ETV1: variants seen among roughly 807,000 people sequenced by gnomAD.
ETV1 encodes the protein ETS variant transcription factor 1.
ETV1 carries 27 observed loss-of-function variants against 62.3 expected under a neutral mutation model. That is an observed-to-expected ratio of 0.43 (90% CI 0.32 to 0.60). ETV1 has a LOEUF of 0.60. Ranked by LOEUF, ETV1 falls within the 20% of genes least tolerant of loss-of-function variation. The pLI, the probability that ETV1 is intolerant of heterozygous loss-of-function variation, is 0.06. For missense variants in ETV1, 605 were observed against 605.8 expected, an observed-to-expected ratio of 1.00 and a Z score of 0.01; for synonymous variants, 222 against 199.6, an observed-to-expected ratio of 1.11 and a Z score of -0.94.
At chr7:13,913,407 G>A (rs1023087484) in intron 9 of ETV1, among the ~76,000 whole-genome samples, 1 of 152,124 alleles carries the variant, frequency 6.6e-6, no homozygotes, top group South Asian at 2.1e-4. Flanking sequence ...ATGGGAGTAT[G>A]ACATTTTGTT....
intron 6 of ETV1, among the ~76,000 whole-genome samples, chr7:13,973,069 A>G (rs1781065303): frequency 6.6e-6 from 1 of 152,222 alleles, no homozygotes; most frequent in South Asian, 2.1e-4. Flanking sequence ...AAAGTTCTCA[A>G]GTGTTGTGAT....
chr7:13,920,470 T>TGTGTGTGTG, intron 9 of ETV1, among the ~76,000 whole-genome samples: 1 of 123,162 alleles, frequency 8.1e-6, no homozygotes, highest in Non-Finnish European at 1.8e-5. Context: ...GTGTGTGTGT[T>TGTGTGTGTG]TCCTTTCAGT....
chr7:13,986,107 G>T (rs1444403966), intron 5 of ETV1: 11 of 1,567,722 alleles, frequency 7.0e-6, no homozygotes, highest in African/African-American at 1.4e-5. Context: ...CTAAGCATTA[G>T]ATACACACCT....
At chr7:13,897,161 G>C (rs1781933873) in intron 13 of ETV1, among the ~76,000 whole-genome samples, 1 of 151,928 alleles carries the variant, frequency 6.6e-6, no homozygotes, top group Non-Finnish European at 1.5e-5. Context: ...TGGGGGGATG[G>C]GTGGATGAAT....
rs16878039 is a variant in ETV1, at chr7:13,988,431, A to G, written c.46-258T>C. ...GCACATTACTATTTATCAATCATAT[A>G]TTCATGGTATCTCAGCATCAAAACA... On this transcript the variant is annotated intron_variant, in intron 3 of 13. Transcript: ENST00000430479. The G allele has an allele frequency of 1.9e-3, 1,119 of 582,574 alleles. 11 individuals are homozygous for G. The highest frequency in any genetic ancestry group is 0.019 in the African/African-American group (1,001 of 53,228). 36.1% of individuals were successfully genotyped at this position (582,574 alleles called of 1,614,324 possible).
At position 13,989,009 on chromosome 7, in the gene ETV1, T is replaced by C; in HGVS notation, c.44A>G (p.Asn15Ser). The stretch of plus-strand genomic sequence containing the variant: ...GCAACTTTCAAACTGATCACTCACA[T>C]TGGTGACCATGTAAGGCACTTGCTG... ...YDQQVPYMVT[N>S]SQRGRNCNEK... Residue 15 changes from asparagine to serine, a missense_variant and splice_region_variant, in exon 3 of 14, where the codon AAT (asparagine) becomes AGT (serine). Asn to Ser is a conservative substitution (Grantham distance 46). Around this residue, in one of 3 missense-constraint regions of ETV1, gnomAD observed 426 missense variants for 377.8 expected, o/e 1.13. Transcript: ENST00000430479. 2 of 1,582,258 alleles carry C rather than the reference T, an allele frequency of 1.3e-6. No individual in the cohort carries two copies. The highest frequency in any genetic ancestry group is 1.7e-6 in the Non-Finnish European group (2 of 1,161,414).
At chr7:13,983,594 AC>A (rs1474590376) in intron 5 of ETV1, among the ~76,000 whole-genome samples, 1 of 148,334 alleles carries the variant, frequency 6.7e-6, no homozygotes, top group Non-Finnish European at 1.5e-5. Context: ...GACTATGGCA[AC>A]ATTTTAAAAT....
In ETV1 at chr7:13,919,890, C is replaced by CAGAG. The variant is rs34895274; in HGVS notation, c.803-8587_803-8584dup. On this transcript the variant is annotated intron_variant, in intron 9 of 13. Transcript: ENST00000430479. ...ACAAAAACACACAAAGACACACACA[C>CAGAG]AGAGAGAGAGAGAGAGAGAGAAGAG... Among the ~76,000 whole-genome samples the CAGAG allele has an allele frequency of 8.0e-4, 119 of 149,340 alleles. 1 individual carries two copies. Among genetic ancestry groups the CAGAG allele is most frequent in the African/African-American group, 2.6e-3 (108 of 40,890 alleles).
chr7:13,987,830 C>A (rs760569124), intron 4 of ETV1, among the ~76,000 whole-genome samples: 51 of 152,276 alleles, frequency 3.3e-4, no homozygotes, highest in Non-Finnish European at 5.9e-4. Flanking sequence ...GGTATTTAAA[C>A]ACAAAACAAT....
intron 13 of ETV1, among the ~76,000 whole-genome samples, chr7:13,896,925 T>G (rs1436662921): frequency 2.0e-5 from 3 of 151,016 alleles, no homozygotes; most frequent in Non-Finnish European, 4.4e-5. Flanking sequence ...AAGTAAGAGG[T>G]GTAAAAAAGT....
intron 9 of ETV1, among the ~76,000 whole-genome samples, chr7:13,915,137 T>G (rs539070328): frequency 6.6e-6 from 1 of 152,322 alleles, no homozygotes; most frequent in Non-Finnish European, 1.5e-5. Flanking sequence ...TTTAATGTGG[T>G]TTTGCTTTCC....
chr7:13,937,440 A>G (rs925257019), intron 7 of ETV1, among the ~76,000 whole-genome samples: 3 of 151,940 alleles, frequency 2.0e-5, no homozygotes, highest in Admixed American at 1.3e-4. Context: ...AAGTACCAGA[A>G]TTTATTGCAT....
intron 6 of ETV1, among the ~76,000 whole-genome samples, chr7:13,960,749 G>T (rs1427671955): frequency 6.6e-6 from 1 of 152,120 alleles, no homozygotes; most frequent in Non-Finnish European, 1.5e-5. Flanking sequence ...AGAAAAACTA[G>T]AACCTATTTT....
At chr7:13,960,146 C>G (rs1241884723) in intron 6 of ETV1, among the ~76,000 whole-genome samples, 1 of 152,008 alleles carries the variant, frequency 6.6e-6, no homozygotes, top group Non-Finnish European at 1.5e-5. Context: ...AGAGAACAAT[C>G]TATAATGAAT....
Position 13,894,169 on chromosome 7 carries a change from T to TG in ETV1, c.*1696dup, listed in dbSNP as rs397948688. On this transcript the variant is annotated 3_prime_UTR_variant, in exon 14 of 14. Transcript: ENST00000430479. Reference sequence around the variant, plus strand: ...TGTGTTTAGAATTTTTTTTTTTTTTTGCTTTTTGCTATAGACTCTTTAAAA... The same window carrying TG: ...TGTGTTTAGAATTTTTTTTTTTTTTTGGCTTTTTGCTATAGACTCTTTAAAA... 1 of 231,024 alleles carries TG rather than the reference T, an allele frequency of 4.3e-6. No homozygotes were observed. The highest frequency in any genetic ancestry group is 5.7e-5 in the Admixed American group (1 of 17,654). The allele number at this position is 231,024 out of a possible 1,614,324, so 14.3% of individuals were successfully genotyped here. A position where few individuals can be genotyped will look rare whatever the true frequency, so the allele number is the denominator to read the frequency against.
intron 6 of ETV1, among the ~76,000 whole-genome samples, chr7:13,953,015 A>G (rs1230965205): frequency 6.6e-6 from 1 of 152,192 alleles, no homozygotes; most frequent in Admixed American, 6.5e-5. Context: ...GGAAGGCCTA[A>G]TGTATGAACA....
At chr7:13,966,624 G>T (rs953211388) in intron 6 of ETV1, among the ~76,000 whole-genome samples, 4 of 152,030 alleles carry the variant, frequency 2.6e-5, no homozygotes, top group African/African-American at 9.7e-5. Context: ...TCCAGACTGG[G>T]CGACAGAGTG....
intron 9 of ETV1, among the ~76,000 whole-genome samples, chr7:13,928,518 G>C (rs1212412317): frequency 6.6e-6 from 1 of 152,194 alleles, no homozygotes; most frequent in Non-Finnish European, 1.5e-5. Flanking sequence ...GGAGGCTGAG[G>C]GAGGAGAATC....
intron 6 of ETV1, among the ~76,000 whole-genome samples, chr7:13,964,541 G>C (rs1225162268): frequency 6.6e-6 from 1 of 152,096 alleles, no homozygotes; most frequent in African/African-American, 2.4e-5. Flanking sequence ...ATAATACTAA[G>C]CTAAGAATTA....
Sources: gnomAD v4.1 joint callset for allele counts (sites outside exome capture counted in the v4.1 genomes callset) on GRCh38, gnomAD v4.1.1 for gene constraint, gnomAD v4.1.1 regional missense constraint, MANE v1.5 for transcripts, NCBI Gene and HGNC (gene_info 2026-07-23, HGNC 2026-07-21) for gene names.